The following POU6F2 variants were observed in gnomAD, a reference collection of about 807,000 sequenced individuals.
POU6F2 encodes POU domain, class 6, transcription factor 2.
A neutral mutation model predicts 71.3 loss-of-function variants in POU6F2; 31 were observed. That is an observed-to-expected ratio of 0.43 (90% confidence interval 0.33 to 0.59). The LOEUF (loss-of-function observed/expected upper bound fraction) is 0.59, where lower values mean the gene tolerates loss of function less well. POU6F2 is among the 20% of genes least tolerant of loss of function. POU6F2 has a pLI of 0.04. For synonymous variants in POU6F2, 347 were observed against 355.7 expected (o/e 0.98, Z 0.27); for missense variants, 783 against 856.8 (o/e 0.91, Z 1.07).
At chr7:39,031,041 C>T (rs1044926375) in intron 1 of POU6F2, among the ~76,000 whole-genome samples, 2 of 151,982 alleles carry the variant, frequency 1.3e-5, no homozygotes, top group Non-Finnish European at 2.9e-5. Flanking sequence ...GCTGGGATTA[C>T]AGGTGCCCAC....
chr7:39,011,972 C>G (rs529857357), intron 1 of POU6F2, among the ~76,000 whole-genome samples: 2 of 152,074 alleles, frequency 1.3e-5, no homozygotes, highest in Admixed American at 1.3e-4. Context: ...TCCTTCATTT[C>G]AACTTTGGTG....
At chr7:39,249,862 G>C (rs1333156722) in intron 4 of POU6F2, among the ~76,000 whole-genome samples, 1 of 152,138 alleles carries the variant, frequency 6.6e-6, no homozygotes, top group African/African-American at 2.4e-5. Flanking sequence ...CTGCAGTATT[G>C]ATTTTTCCAC....
chr7:39,177,768 A>G (rs1793358529), intron 2 of POU6F2, among the ~76,000 whole-genome samples: 1 of 152,190 alleles, frequency 6.6e-6, no homozygotes, highest in Admixed American at 6.5e-5. Context: ...TCTCATAATC[A>G]GTTCTACTTT....
chr7:39,026,294 T>C (rs1265366750), intron 1 of POU6F2, among the ~76,000 whole-genome samples: 1 of 151,888 alleles, frequency 6.6e-6, no homozygotes, highest in Non-Finnish European at 1.5e-5. Flanking sequence ...TAAAGACACA[T>C]GCACACGTAT....
At chr7:39,109,244 C>G (rs889551025) in intron 2 of POU6F2, among the ~76,000 whole-genome samples, 1 of 152,080 alleles carries the variant, frequency 6.6e-6, no homozygotes, top group Non-Finnish European at 1.5e-5. Context: ...CTATGTTGCC[C>G]GGGCTGGTCT....
intron 2 of POU6F2, 115 bp downstream of exon 2, chr7:39,086,146 A>G (rs1791241236): frequency 8.9e-7 from 1 of 1,119,806 alleles, no homozygotes; most frequent in East Asian, 2.6e-5. Context: ...GTAAGTACTA[A>G]AAAGGAGCAT....
rs536872193 is a variant in POU6F2, at chr7:38,988,789, C to G, written c.105+10731C>G. ...GTAAGTGGCAAAGTTGGAATTGGTC[C>G]GGAGAATGCTGGAGACCAGGTATAA... On this transcript the variant is annotated intron_variant, in intron 1 of 9. Coordinates refer to ENST00000518318, the MANE Select transcript of POU6F2 (RefSeq NM_001370959.1). Among the ~76,000 whole-genome samples the G allele has an allele frequency of 2.6e-5, 4 of 152,174 alleles. No homozygotes were observed. The South Asian group carries it at 8.3e-4, about 32-fold the overall frequency.
chr7:38,981,032 T>C (rs184557948), intron 1 of POU6F2, among the ~76,000 whole-genome samples: 7 of 152,336 alleles, frequency 4.6e-5, no homozygotes, highest in African/African-American at 1.2e-4. Flanking sequence ...CTGCCTAGTA[T>C]ATCAAGATGA....
chr7:39,002,644 G>A (rs1023020791), intron 1 of POU6F2, among the ~76,000 whole-genome samples: 2 of 152,206 alleles, frequency 1.3e-5, no homozygotes, highest in African/African-American at 2.4e-5. Flanking sequence ...ACCACACCCG[G>A]CCAGTGATTT....
chr7:38,981,863 C>G lies in POU6F2; in HGVS notation c.105+3805C>G, dbSNP rs560468677. Among the ~76,000 whole-genome samples, 19 of 152,314 alleles carry G rather than the reference C, an allele frequency of 1.2e-4. No individual in the cohort carries two copies. The South Asian group carries it at 3.7e-3, about 30-fold the overall frequency. ...GTATGTGTGCATGCATTTGGCTTAA[C>G]AGTATCTCCATGTATGTTTTCTTAT... On this transcript the variant is annotated intron_variant, in intron 1 of 9. Coordinates refer to ENST00000518318, the MANE Select transcript of POU6F2 (RefSeq NM_001370959.1).
intron 2 of POU6F2, among the ~76,000 whole-genome samples, chr7:39,182,718 G>A (rs1793458764): frequency 6.6e-6 from 1 of 151,984 alleles, no homozygotes; most frequent in African/African-American, 2.4e-5. Context: ...CCCCAGAATT[G>A]CATCCTTAAG....
At chr7:39,332,227 T>G (rs1207883767) in intron 4 of POU6F2, among the ~76,000 whole-genome samples, 2 of 152,234 alleles carry the variant, frequency 1.3e-5, no homozygotes, top group Admixed American at 1.3e-4. Context: ...TCTGAGATAT[T>G]TTTTCATTAC....
At chr7:39,221,372 TTC>T (rs746834451) in intron 4 of POU6F2, among the ~76,000 whole-genome samples, 3 of 145,870 alleles carry the variant, frequency 2.1e-5, no homozygotes, top group Admixed American at 7.0e-5. Context: ...GAATCTAAAA[TTC>T]TCTCTCTCTC....
chr7:39,214,465 G>A (rs571888770), intron 4 of POU6F2, among the ~76,000 whole-genome samples: 1 of 152,302 alleles, frequency 6.6e-6, no homozygotes, highest in African/African-American at 2.4e-5. Flanking sequence ...AGCATTTTGG[G>A]TGATGCCTAC....
chr7:39,077,227 C>A (rs2128719303), intron 1 of POU6F2, among the ~76,000 whole-genome samples: 1 of 152,296 alleles, frequency 6.6e-6, no homozygotes, highest in Non-Finnish European at 1.5e-5. Context: ...ATTGATGGTG[C>A]TATTAGGTTG....
intron 5 of POU6F2, among the ~76,000 whole-genome samples, chr7:39,379,769 C>T (rs1786790038): frequency 1.3e-5 from 2 of 152,188 alleles, no homozygotes; most frequent in South Asian, 4.1e-4. Flanking sequence ...CTATCACCAA[C>T]ACCAACTCCC....
At chr7:39,335,688 G>T (rs1222606465) in intron 4 of POU6F2, among the ~76,000 whole-genome samples, 1 of 152,174 alleles carries the variant, frequency 6.6e-6, no homozygotes, top group East Asian at 1.9e-4. Context: ...GTCTTGAAAA[G>T]CTAATTCATC....
chr7:39,254,886 C>T (rs1429779819), intron 4 of POU6F2, among the ~76,000 whole-genome samples: 1 of 152,200 alleles, frequency 6.6e-6, no homozygotes, highest in Non-Finnish European at 1.5e-5. Flanking sequence ...CAGCAGCGTA[C>T]ACAACACAAG....
At chr7:39,307,083 G>A (rs549813444) in intron 4 of POU6F2, among the ~76,000 whole-genome samples, 1 of 152,352 alleles carries the variant, frequency 6.6e-6, no homozygotes, top group African/African-American at 2.4e-5. Context: ...TGGCTTGAGA[G>A]ATGTTGATTT....
Sources: allele counts gnomAD v4.1 joint callset (sites outside exome capture counted in the v4.1 genomes callset), GRCh38; gene constraint gnomAD v4.1.1; transcripts MANE v1.5; gene names NCBI Gene and HGNC (gene_info 2026-07-23, HGNC 2026-07-21).